Variants in UIMC1 observed in about 807,000 individuals in gnomAD.
UIMC1 encodes ubiquitin interaction motif containing 1.
Under a neutral mutation model 84.9 loss-of-function variants are expected in UIMC1, and 42 were observed. That is an observed-to-expected ratio of 0.49 (90% confidence interval 0.39 to 0.64). The LOEUF (loss-of-function observed/expected upper bound fraction) is 0.64. Among genes scored for constraint, UIMC1 ranks in the 30% least tolerant of loss-of-function variants. The pLI, the probability that UIMC1 is intolerant of heterozygous loss-of-function variation, is 0.00. For synonymous variants in UIMC1, 281 were observed against 293.0 expected (o/e 0.96, Z 0.42); for missense variants, 825 against 847.6 (o/e 0.97, Z 0.33).
intron 7 of UIMC1, 111 bp from the exon 8 acceptor site, chr5:176,956,146 G>T: frequency 1.1e-6 from 1 of 916,402 alleles, no homozygotes; most frequent in Non-Finnish European, 1.7e-6. Context: ...GATACTTGCT[G>T]CCTAATACCA....
At position 176,963,719 on chromosome 5, in the gene UIMC1, T is replaced by C. The variant is rs1333268722; in HGVS notation, c.1200+4836A>G. Among the ~76,000 whole-genome samples, 51 of 152,058 alleles carry C rather than the reference T, an allele frequency of 3.4e-4. 1 individual carries two copies. The highest frequency in any genetic ancestry group is 3.3e-3 in the Admixed American group (51 of 15,262). Reference sequence around the variant, plus strand: ...AAGACAGTAGATACAGGTCTGAGTATTCTGGTCACTGAAAATGTCTCTATT... The same window carrying C: ...AAGACAGTAGATACAGGTCTGAGTACTCTGGTCACTGAAAATGTCTCTATT... On this transcript the variant is annotated intron_variant, in intron 6 of 14. Transcript: ENST00000511320.
intron 2 of UIMC1, among the ~76,000 whole-genome samples, chr5:176,982,212 T>C (rs2149504991): frequency 6.6e-6 from 1 of 152,342 alleles, no homozygotes; most frequent in African/African-American, 2.4e-5. Flanking sequence ...TTTAGATGAT[T>C]CAAATAGTTC....
intron 1 of UIMC1, among the ~76,000 whole-genome samples, chr5:177,014,335 T>C (rs1365819332): frequency 6.6e-6 from 1 of 152,144 alleles, no homozygotes; most frequent in Non-Finnish European, 1.5e-5. Context: ...ATTATAGGCA[T>C]GAGCCACTGT....
In UIMC1 at chr5:176,917,389, C is replaced by T. The variant is rs537313514; in HGVS notation, c.1598-6000G>A. 7.9e-4 allele frequency among the ~76,000 whole-genome samples: 120 copies of T among 151,528 alleles called. 1 individual carries two copies. Among genetic ancestry groups the T allele is most frequent in the Admixed American group, 4.5e-3 (69 of 15,234 alleles). On this transcript the variant is annotated intron_variant, in intron 10 of 14. Transcript: ENST00000511320. Reference sequence around the variant, plus strand: ...GAGTTCCAGACCAGCCTGGCCAACACGACAAAATGCTGTCTCTACTGAAAA... The same window carrying T: ...GAGTTCCAGACCAGCCTGGCCAACATGACAAAATGCTGTCTCTACTGAAAA...
intron 10 of UIMC1, among the ~76,000 whole-genome samples, chr5:176,917,566 T>C (rs1761162058): frequency 1.3e-5 from 2 of 152,140 alleles, no homozygotes; most frequent in African/African-American, 4.8e-5. Context: ...AATGAGACTC[T>C]GTCTCAAACA....
intron 10 of UIMC1, among the ~76,000 whole-genome samples, chr5:176,937,383 T>C (rs1763838659): frequency 6.6e-6 from 1 of 152,070 alleles, no homozygotes; most frequent in Non-Finnish European, 1.5e-5. Context: ...TAGTCCCAGC[T>C]ACTCGGGAGA....
chr5:176,935,052 A>G (rs970654868), intron 10 of UIMC1, among the ~76,000 whole-genome samples: 3 of 152,336 alleles, frequency 2.0e-5, no homozygotes, highest in South Asian at 2.1e-4. Flanking sequence ...CAAGAGTCCT[A>G]TATACCACAA....
rs563541950 is a variant in UIMC1 at position 176,916,039 on chromosome 5, T to G, written c.1598-4650A>C. Among the ~76,000 whole-genome samples the G allele has an allele frequency of 5.3e-5, 8 of 152,304 alleles. No individual in the cohort carries two copies. The East Asian group carries it at 1.5e-3, about 29-fold the overall frequency. ...ATTCTATTAAATGTTATGATCACAA[T>G]GGACTGGACTGGGGCTTGCCGCTGT... On this transcript the variant is annotated intron_variant, in intron 10 of 14. Coordinates refer to ENST00000511320, the MANE Select transcript of UIMC1 (RefSeq NM_001199298.2).
intron 10 of UIMC1, among the ~76,000 whole-genome samples, chr5:176,932,544 G>GACAA (rs979704345): frequency 1.4e-4 from 21 of 152,098 alleles, no homozygotes; most frequent in Non-Finnish European, 2.5e-4. Context: ...CAGACAGACA[G>GACAA]ACAAACATCA....
intron 10 of UIMC1, among the ~76,000 whole-genome samples, chr5:176,940,691 TTTCA>T (rs1378062787): frequency 2.6e-5 from 4 of 152,202 alleles, no homozygotes; most frequent in South Asian, 4.1e-4. Flanking sequence ...GGTCCTCAAC[TTTCA>T]TTGTCTTTAG....
intron 1 of UIMC1, among the ~76,000 whole-genome samples, chr5:177,014,213 C>A (rs187113): frequency 1.3e-5 from 2 of 151,160 alleles, no homozygotes; most frequent in Non-Finnish European, 3.0e-5. Context: ...ACACCATGCC[C>A]GGCTGATTTT....
Position 176,969,641 on chromosome 5 carries a change from C to A in UIMC1, c.423G>T (p.Gln141His). Residue 141 changes from glutamine (Q) to histidine (H), a missense_variant, in exon 5 of 15, where the codon CAG becomes CAT. By Grantham distance (24) the Gln-to-His change is conservative. Coordinates refer to ENST00000511320, the MANE Select transcript of UIMC1 (RefSeq NM_001199298.2). ...SRPLATGPSS[Q>H]SHQEKTTDSG... is the part of the protein sequence containing the mutation. Reference sequence around the variant, plus strand: ...AGTCTGTGGTTTTCTCTTGATGGGACTGGGAAGACGGTCCAGTGGCCAGAG... The same window carrying A: ...AGTCTGTGGTTTTCTCTTGATGGGAATGGGAAGACGGTCCAGTGGCCAGAG... 2.5e-6 allele frequency: 4 copies of A among 1,614,062 alleles called. No individual in the cohort carries two copies. Among genetic ancestry groups the A allele is most frequent in the Non-Finnish European group, 3.4e-6 (4 of 1,180,028 alleles).
intron 11 of UIMC1, 134 bp from the exon 12 acceptor site, chr5:176,908,828 T>C: frequency 5.8e-6 from 5 of 860,944 alleles, no homozygotes; most frequent in Non-Finnish European, 8.7e-6. Context: ...CCAATGCAGA[T>C]TCACTCAGCA....
At chr5:176,994,054 A>T (rs956440256) in intron 1 of UIMC1, among the ~76,000 whole-genome samples, 6 of 152,152 alleles carry the variant, frequency 3.9e-5, no homozygotes, top group African/African-American at 1.4e-4. Flanking sequence ...AAAGTGTGAA[A>T]AGGATGAAAT....
chr5:176,945,808 G>A lies in UIMC1; in HGVS notation c.1444-2320C>T, dbSNP rs111859323. 1.1e-4 allele frequency among the ~76,000 whole-genome samples: 17 copies of A among 152,276 alleles called. 1 individual carries two copies. The highest frequency in any genetic ancestry group is 3.6e-4 in the African/African-American group (15 of 41,564). ...TCTAGCTTCACGTCCTGTTTCCATG[G>A]ATTGTTTGTAACCAGCTTTTGTTGC... On this transcript the variant is annotated intron_variant, in intron 9 of 14. Coordinates refer to ENST00000511320, the MANE Select transcript of UIMC1 (RefSeq NM_001199298.2).
chr5:177,000,141 GGA>G (rs1246009790), intron 1 of UIMC1, among the ~76,000 whole-genome samples: 1 of 152,090 alleles, frequency 6.6e-6, no homozygotes, highest in Non-Finnish European at 1.5e-5. Flanking sequence ...TACATTTTTA[GGA>G]GAGACGGGGT....
At chr5:176,978,653 TTAACA>T (rs1360495322) in intron 2 of UIMC1, among the ~76,000 whole-genome samples, 4 of 152,112 alleles carry the variant, frequency 2.6e-5, no homozygotes, top group Non-Finnish European at 5.9e-5. Flanking sequence ...CAATATTATA[TTAACA>T]TAACACATCA....
intron 2 of UIMC1, among the ~76,000 whole-genome samples, chr5:176,977,191 A>G (rs1770227230): frequency 2.0e-5 from 3 of 150,220 alleles, no homozygotes; most frequent in African/African-American, 7.4e-5. Context: ...CCACTGCTCT[A>G]CAGCCTGGGG....
intron 1 of UIMC1, among the ~76,000 whole-genome samples, chr5:176,984,037 G>T (rs867294908): frequency 8.1e-5 from 8 of 98,244 alleles, no homozygotes; most frequent in African/African-American, 1.2e-4. Flanking sequence ...CTGCCCGGCC[G>T]CCCCGTCTGG....
Sources: gnomAD v4.1 joint callset for allele counts (sites outside exome capture counted in the v4.1 genomes callset) on GRCh38, gnomAD v4.1.1 for gene constraint, MANE v1.5 for transcripts, NCBI Gene and HGNC (gene_info 2026-07-23, HGNC 2026-07-21) for gene names.